The following IFT80 variants were observed in gnomAD, a reference collection of about 807,000 sequenced individuals.
IFT80 encodes intraflagellar transport 80.
IFT80 carries 79 observed loss-of-function variants against 107.9 expected under a neutral mutation model. That is an observed-to-expected ratio of 0.73 (90% CI 0.61 to 0.88). The LOEUF (loss-of-function observed/expected upper bound fraction) is 0.88, where lower values mean the gene tolerates loss of function less well. Among genes scored for constraint, IFT80 ranks in the 40% least tolerant of loss-of-function variants. IFT80 has a pLI of 0.00. For synonymous variants in IFT80, 299 were observed against 300.9 expected (o/e 0.99, Z 0.07); for missense variants, 797 against 914.2 (o/e 0.87, Z 1.65).
At chr3:160,384,114 G>A (rs1203484750) in intron 2 of IFT80, 3 of 213,332 alleles carry the variant, frequency 1.4e-5, no homozygotes, top group African/African-American at 2.4e-5. Context: ...GCATGTTGGC[G>A]GGTGCCTATA....
intron 5 of IFT80, among the ~76,000 whole-genome samples, chr3:160,366,919 A>T (rs1397242609): frequency 6.6e-6 from 1 of 151,842 alleles, no homozygotes; most frequent in Non-Finnish European, 1.5e-5. Flanking sequence ...CCTCCCTCAC[A>T]ACCCCCTCAC....
At chr3:160,264,038 G>A (rs1447253089) in intron 19 of IFT80, among the ~76,000 whole-genome samples, 1 of 151,962 alleles carries the variant, frequency 6.6e-6, no homozygotes, top group Non-Finnish European at 1.5e-5. Context: ...CTGGGCTCAA[G>A]TGATCCTCCC....
At chr3:160,310,976 T>G (rs1454472595) in intron 9 of IFT80, among the ~76,000 whole-genome samples, 1 of 151,898 alleles carries the variant, frequency 6.6e-6, no homozygotes, top group Non-Finnish European at 1.5e-5. Flanking sequence ...ACAAAAAAAA[T>G]TAGCTAGGTG....
intron 19 of IFT80, among the ~76,000 whole-genome samples, chr3:160,267,992 A>G (rs757459310): frequency 6.6e-6 from 1 of 152,166 alleles, no homozygotes; most frequent in Non-Finnish European, 1.5e-5. Context: ...AGGAGGTGCA[A>G]CCTAGCTTTC....
intron 18 of IFT80, among the ~76,000 whole-genome samples, chr3:160,269,748 T>C (rs1432433387): frequency 6.6e-6 from 1 of 152,216 alleles, no homozygotes; most frequent in Non-Finnish European, 1.5e-5. Flanking sequence ...CAGTGGACTA[T>C]AGCTCTCTTA....
chr3:160,380,705 GT>G lies in IFT80; in HGVS notation c.259+797del, dbSNP rs531260231. 4.6e-3 allele frequency among the ~76,000 whole-genome samples: 679 copies of G among 148,450 alleles called. 5 individuals are homozygous for G. The highest frequency in any genetic ancestry group is 0.017 in the African/African-American group (655 of 39,676). On this transcript the variant is annotated intron_variant, in intron 3 of 19. Transcript: ENST00000326448. ...AAATATAAAAACATACCCTTAAAAAGTGAAAAAAAAAATCATACTTGTTATT... is the reference window on the plus strand; with the variant it reads ...AAATATAAAAACATACCCTTAAAAAGGAAAAAAAAAATCATACTTGTTATT...
chr3:160,379,024 G>C (rs1342122572), intron 3 of IFT80, among the ~76,000 whole-genome samples: 3 of 152,034 alleles, frequency 2.0e-5, no homozygotes, highest in Admixed American at 2.0e-4. Flanking sequence ...TTATTAAAAG[G>C]AATAAATAGT....
At chr3:160,311,565 G>A (rs1717251566) in intron 9 of IFT80, among the ~76,000 whole-genome samples, 1 of 152,198 alleles carries the variant, frequency 6.6e-6, no homozygotes, top group Admixed American at 6.5e-5. Context: ...TCTTCAAGGA[G>A]TAGGAGGAAT....
At chr3:160,261,818 A>AG (rs200856352) in intron 19 of IFT80, among the ~76,000 whole-genome samples, 6 of 149,888 alleles carry the variant, frequency 4.0e-5, no homozygotes, top group African/African-American at 1.5e-4. Flanking sequence ...AAAAAAAAAA[A>AG]GGGGGACCTG....
chr3:160,320,830 A>T (rs920061102), intron 8 of IFT80, among the ~76,000 whole-genome samples: 1 of 151,796 alleles, frequency 6.6e-6, no homozygotes, highest in Non-Finnish European at 1.5e-5. Context: ...ATTATTAGCT[A>T]CAGGCTCACT....
chr3:160,261,504 A>C (rs960147034), intron 19 of IFT80, among the ~76,000 whole-genome samples: 2 of 148,792 alleles, frequency 1.3e-5, no homozygotes, highest in African/African-American at 5.0e-5. Flanking sequence ...GAGAAGGGAG[A>C]TAGTGAGCAC....
chr3:160,396,712 C>G (rs1182321668), intron 1 of IFT80, among the ~76,000 whole-genome samples: 2 of 152,164 alleles, frequency 1.3e-5, no homozygotes, highest in African/African-American at 4.8e-5. Flanking sequence ...ATGACTGTAA[C>G]CCAGTCTTTT....
intron 1 of IFT80, among the ~76,000 whole-genome samples, chr3:160,386,898 T>C (rs540808278): frequency 3.2e-4 from 49 of 152,286 alleles, no homozygotes; most frequent in African/African-American, 1.1e-3. Flanking sequence ...TGGAAAGTCA[T>C]AATAAAAGCT....
chr3:160,310,856 C>T (rs1717188646), intron 9 of IFT80, among the ~76,000 whole-genome samples: 1 of 152,178 alleles, frequency 6.6e-6, no homozygotes, highest in South Asian at 2.1e-4. Context: ...GTAATCAAGG[C>T]TGGGCATGGT....
chr3:160,282,443 CAATT>C (rs1292046693), intron 14 of IFT80, 31 bp downstream of exon 14: 7 of 1,356,792 alleles, frequency 5.2e-6, no homozygotes, highest in Non-Finnish European at 7.2e-6. Context: ...AGAAAGTTGA[CAATT>C]AAAACTTAAA....
At chr3:160,271,067 T>C (rs1184187427) in intron 18 of IFT80, among the ~76,000 whole-genome samples, 6 of 152,158 alleles carry the variant, frequency 3.9e-5, no homozygotes, top group Non-Finnish European at 8.8e-5. Flanking sequence ...TTATCTATCA[T>C]TGTCATTATT....
intron 1 of IFT80, among the ~76,000 whole-genome samples, chr3:160,389,793 G>A (rs1448421376): frequency 6.6e-6 from 1 of 152,014 alleles, no homozygotes; most frequent in Non-Finnish European, 1.5e-5. Flanking sequence ...ATAAACATAC[G>A]TGTGCATGTG....
At chr3:160,260,639 GT>G (rs1712748540) in intron 19 of IFT80, among the ~76,000 whole-genome samples, 1 of 152,164 alleles carries the variant, frequency 6.6e-6, no homozygotes, top group South Asian at 2.1e-4. Flanking sequence ...AGATAATTTA[GT>G]TCGTGGATTA....
At chr3:160,390,062 A>G (rs1190214086) in intron 1 of IFT80, among the ~76,000 whole-genome samples, 1 of 152,188 alleles carries the variant, frequency 6.6e-6, no homozygotes, top group Non-Finnish European at 1.5e-5. Flanking sequence ...ACGAGAGATA[A>G]AACTCTGACA....
Sources: gnomAD v4.1 joint callset for allele counts (sites outside exome capture counted in the v4.1 genomes callset) on GRCh38, gnomAD v4.1.1 for gene constraint, MANE v1.5 for transcripts, NCBI Gene and HGNC (gene_info 2026-07-23, HGNC 2026-07-21) for gene names.